The following ADCY1 variants were observed in gnomAD, a reference collection of about 807,000 sequenced individuals.
ADCY1 encodes the protein adenylate cyclase type 1.
Under a neutral mutation model 105.4 loss-of-function variants are expected in ADCY1, and 28 were observed. The ratio of observed to expected loss-of-function variants is 0.27; its 90% CI spans 0.20 to 0.36. ADCY1 has a LOEUF of 0.36. Ranked by LOEUF, ADCY1 falls within the 10% of genes least tolerant of loss-of-function variation. The probability of loss-of-function intolerance (pLI) is 1.00; values close to 1 mark genes in which losing one functional copy is unlikely to be tolerated. For missense variants in ADCY1, 977 were observed against 1,434.2 expected (o/e 0.68, Z 5.15); for synonymous variants, 655 against 623.8 (o/e 1.05, Z -0.75).
chr7:45,672,444 G>T (rs902143820), intron 8 of ADCY1, among the ~76,000 whole-genome samples: 1 of 151,696 alleles, frequency 6.6e-6, no homozygotes, highest in Non-Finnish European at 1.5e-5. Context: ...TTGCATGAAC[G>T]TGGTATGCCT....
intron 3 of ADCY1, among the ~76,000 whole-genome samples, chr7:45,619,471 A>T (rs1190838299): frequency 6.6e-6 from 1 of 152,186 alleles, no homozygotes; most frequent in Non-Finnish European, 1.5e-5. Context: ...GTGTCACACC[A>T]TAACCCATAA....
chr7:45,697,548 G>T lies in ADCY1; in HGVS notation c.2455-5828G>T, dbSNP rs537693725. On this transcript the variant is annotated intron_variant, in intron 14 of 19. Transcript: ENST00000297323. ...TGGGGTTACAGGCATGCGCCACCAC[G>T]CCCGGCTAATTTTGTATTTTTAGTA... Among the ~76,000 whole-genome samples the T allele has an allele frequency of 3.3e-5, 5 of 152,134 alleles. No homozygotes were observed. The South Asian group carries it at 1.0e-3, about 32-fold the overall frequency.
chr7:45,648,125 C>G (rs1018795089), intron 4 of ADCY1, among the ~76,000 whole-genome samples: 1 of 152,222 alleles, frequency 6.6e-6, no homozygotes, highest in African/African-American at 2.4e-5. Flanking sequence ...GATGGACATT[C>G]AGCTTTGGCC....
chr7:45,596,649 T>C (rs1192701973), intron 2 of ADCY1, among the ~76,000 whole-genome samples: 1 of 151,936 alleles, frequency 6.6e-6, no homozygotes, highest in Non-Finnish European at 1.5e-5. Context: ...GACCAGAAGA[T>C]GGGGGCTGAG....
intron 14 of ADCY1, among the ~76,000 whole-genome samples, chr7:45,694,421 A>G (rs1784843307): frequency 6.6e-6 from 1 of 152,226 alleles, no homozygotes; most frequent in Non-Finnish European, 1.5e-5. Flanking sequence ...TATGAACCAA[A>G]TGAAACTACA....
intron 3 of ADCY1, among the ~76,000 whole-genome samples, chr7:45,619,163 A>T (rs566000872): frequency 6.6e-6 from 1 of 152,200 alleles, no homozygotes; most frequent in Admixed American, 6.5e-5. Context: ...AAAATAGTTG[A>T]TCTCTTAGAC....
chr7:45,589,991 G>A (rs188472962), intron 1 of ADCY1, among the ~76,000 whole-genome samples: 1 of 152,258 alleles, frequency 6.6e-6, no homozygotes, highest in East Asian at 1.9e-4. Flanking sequence ...AACAGAAATG[G>A]GGAGGCAAGC....
chr7:45,702,303 GGT>G (rs2116256035), intron 14 of ADCY1, among the ~76,000 whole-genome samples: 2 of 152,244 alleles, frequency 1.3e-5, no homozygotes, highest in East Asian at 3.9e-4. Context: ...TCTAACAGTG[GGT>G]GTGTTACACC....
In ADCY1 at chr7:45,664,257, C is replaced by T. The variant is rs943682230; in HGVS notation, c.1605+2043C>T. 25 of 1,526,194 alleles carry T rather than the reference C, an allele frequency of 1.6e-5. No individual in the cohort carries two copies. The East Asian group carries it at 1.7e-4, about 10-fold the overall frequency. The allele number at this position is 1,526,194 out of a possible 1,614,324, so 94.5% of individuals were successfully genotyped here. On this transcript the variant is annotated intron_variant, in intron 8 of 19. Transcript: ENST00000297323. ...ATTTGGTCAAGCAGAGAAGCTGTGTCGGACCCCACACATCTGATGCCTCTC... is the reference window on the plus strand; with the variant it reads ...ATTTGGTCAAGCAGAGAAGCTGTGTTGGACCCCACACATCTGATGCCTCTC...
chr7:45,713,950 C>A lies in ADCY1; in HGVS notation c.3315C>A (p.Ser1105=), dbSNP rs1291914575. The A allele has an allele frequency of 2.6e-6, 2 of 780,278 alleles. No individual in the cohort carries two copies. Among genetic ancestry groups the A allele is most frequent in the Non-Finnish European group, 4.8e-6 (2 of 418,084 alleles). 48.3% of individuals were successfully genotyped at this position (780,278 alleles called of 1,614,324 possible). The change falls in exon 20 of 20, where the codon TCC becomes TCA. Residue 1105 remains serine, a synonymous_variant. Coordinates refer to ENST00000297323, the MANE Select transcript of ADCY1 (RefSeq NM_021116.4). ...VSVRAGLPPH[S]PGQYLPSAAA... is the part of the protein sequence containing the mutation. ...TCAGGGCTGGGCTCCCTCCACACTCCCCAGGCCAGTACCTGCCCTCTGCAG... is the reference window on the plus strand; with the variant it reads ...TCAGGGCTGGGCTCCCTCCACACTCACCAGGCCAGTACCTGCCCTCTGCAG...
chr7:45,605,755 G>T (rs112617532), intron 2 of ADCY1, among the ~76,000 whole-genome samples: 1 of 152,068 alleles, frequency 6.6e-6, no homozygotes. Flanking sequence ...TCTTTATTTA[G>T]TCATTCTTAT....
intron 2 of ADCY1, among the ~76,000 whole-genome samples, chr7:45,596,191 A>G (rs1304148324): frequency 6.6e-6 from 1 of 152,274 alleles, no homozygotes; most frequent in East Asian, 1.9e-4. Flanking sequence ...GAGCCTTACC[A>G]TGTGGCTAGT....
intron 17 of ADCY1, among the ~76,000 whole-genome samples, chr7:45,705,695 A>G (rs1785105219): frequency 6.6e-6 from 1 of 152,218 alleles, no homozygotes; most frequent in Non-Finnish European, 1.5e-5. Context: ...TTTCTATTCA[A>G]CATTTTACTG....
chr7:45,630,497 A>T (rs1466979640), intron 4 of ADCY1, among the ~76,000 whole-genome samples: 1 of 152,178 alleles, frequency 6.6e-6, no homozygotes, highest in Non-Finnish European at 1.5e-5. Flanking sequence ...ACGATACTCC[A>T]TCCAGAAGGT....
intron 16 of ADCY1, among the ~76,000 whole-genome samples, chr7:45,704,124 G>A (rs1489971664): frequency 6.6e-6 from 1 of 151,984 alleles, no homozygotes; most frequent in African/African-American, 2.4e-5. Context: ...GTCTACAGAT[G>A]GGCAGGCAGG....
At chr7:45,665,651 T>A (rs1254465819) in intron 8 of ADCY1, among the ~76,000 whole-genome samples, 1 of 152,240 alleles carries the variant, frequency 6.6e-6, no homozygotes, top group Non-Finnish European at 1.5e-5. Context: ...TTCTAGAAAA[T>A]CAATTTGGGT....
chr7:45,629,510 T>C (rs571363999), intron 4 of ADCY1, among the ~76,000 whole-genome samples: 38 of 71,950 alleles, frequency 5.3e-4, no homozygotes, highest in African/African-American at 1.7e-3. Context: ...TATGCTTAAC[T>C]TTTTTTTTTT....
intron 3 of ADCY1, among the ~76,000 whole-genome samples, chr7:45,617,515 A>G (rs1244300799): frequency 1.3e-5 from 2 of 152,206 alleles, no homozygotes; most frequent in Non-Finnish European, 2.9e-5. Context: ...CCTTGGCAGG[A>G]CCAAACTCTT....
At chr7:45,638,041 G>A (rs1470827913) in intron 4 of ADCY1, among the ~76,000 whole-genome samples, 1 of 151,836 alleles carries the variant, frequency 6.6e-6, no homozygotes, top group Non-Finnish European at 1.5e-5. Flanking sequence ...ATTTGATTTT[G>A]ATGTGAATTT....
Sources: allele counts gnomAD v4.1 joint callset (sites outside exome capture counted in the v4.1 genomes callset), GRCh38; gene constraint gnomAD v4.1.1; transcripts MANE v1.5; gene names NCBI Gene and HGNC (gene_info 2026-07-23, HGNC 2026-07-21).